DYNC1I1: variants seen among roughly 807,000 people sequenced by gnomAD.
The protein encoded by DYNC1I1 is dynein cytoplasmic 1 intermediate chain 1.
DYNC1I1 carries 43 observed loss-of-function variants against 86.6 expected under a neutral mutation model. The ratio of observed to expected loss-of-function variants is 0.50; its 90% CI spans 0.39 to 0.64. The LOEUF (loss-of-function observed/expected upper bound fraction) is 0.64, where lower values mean the gene tolerates loss of function less well. Among genes scored for constraint, DYNC1I1 ranks in the 30% least tolerant of loss-of-function variants. The probability of loss-of-function intolerance (pLI) is 0.00; values close to 1 mark genes in which losing one functional copy is unlikely to be tolerated. For synonymous variants in DYNC1I1, 262 were observed against 283.7 expected, an observed-to-expected ratio of 0.92 and a Z score of 0.77; for missense variants, 604 against 788.8, an observed-to-expected ratio of 0.77 and a Z score of 2.81.
At chr7:95,784,818 A>G (rs1298186440) in intron 1 of DYNC1I1, among the ~76,000 whole-genome samples, 3 of 152,192 alleles carry the variant, frequency 2.0e-5, no homozygotes, top group Admixed American at 6.5e-5. Context: ...GAGGTCAGAG[A>G]AGCTCTGGTA....
chr7:96,061,615 G>A (rs185802575), intron 14 of DYNC1I1, among the ~76,000 whole-genome samples: 2 of 151,566 alleles, frequency 1.3e-5, no homozygotes, highest in African/African-American at 2.4e-5. Context: ...ATAGTGAGCC[G>A]TTCACCCCCA....
intron 5 of DYNC1I1, among the ~76,000 whole-genome samples, chr7:95,867,325 T>G (rs1252333587): frequency 6.6e-6 from 1 of 152,236 alleles, no homozygotes; most frequent in African/African-American, 2.4e-5. Flanking sequence ...CTAAGTGCTA[T>G]GTAAGCATTA....
chr7:96,050,045 AAAAAC>A (rs1789355666), intron 14 of DYNC1I1, among the ~76,000 whole-genome samples: 1 of 151,962 alleles, frequency 6.6e-6, no homozygotes, highest in African/African-American at 2.4e-5. Flanking sequence ...AAACAAAAAA[AAAAAC>A]AGTATAGCTC....
At chr7:96,068,594 C>T (rs919609491) in intron 14 of DYNC1I1, among the ~76,000 whole-genome samples, 5 of 152,094 alleles carry the variant, frequency 3.3e-5, no homozygotes, top group African/African-American at 1.2e-4. Context: ...CTTGGGTATA[C>T]ATTTCTTGAA....
intron 5 of DYNC1I1, among the ~76,000 whole-genome samples, chr7:95,850,245 G>C (rs1366333229): frequency 4.6e-5 from 7 of 152,126 alleles, no homozygotes; most frequent in Admixed American, 4.6e-4. Flanking sequence ...GGACTATGCT[G>C]AATAGAAGTA....
chr7:95,915,917 C>T (rs1791456899), intron 6 of DYNC1I1, among the ~76,000 whole-genome samples: 1 of 152,148 alleles, frequency 6.6e-6, no homozygotes, highest in African/African-American at 2.4e-5. Flanking sequence ...GCTTGGTAGT[C>T]TTTTCATCCG....
chr7:95,911,322 G>A (rs554315806), intron 6 of DYNC1I1, among the ~76,000 whole-genome samples: 1 of 152,318 alleles, frequency 6.6e-6, no homozygotes, highest in South Asian at 2.1e-4. Flanking sequence ...CAGTCCAGAG[G>A]AGGAAGGCAT....
intron 12 of DYNC1I1, 60 bp from the exon 13 acceptor site, chr7:96,035,559 C>A: frequency 1.3e-6 from 2 of 1,505,028 alleles, no homozygotes; most frequent in Non-Finnish European, 8.8e-7. Flanking sequence ...TTTTTCCGTG[C>A]TATCTTTGGC....
At chr7:96,003,432 C>T (rs1450417883) in intron 10 of DYNC1I1, among the ~76,000 whole-genome samples, 4 of 152,210 alleles carry the variant, frequency 2.6e-5, no homozygotes, top group African/African-American at 9.6e-5. Context: ...ATGTTTTCTA[C>T]TTTCATTTAA....
At chr7:96,058,800 A>ATTTTTTT (rs35348142) in intron 14 of DYNC1I1, among the ~76,000 whole-genome samples, 1 of 98,746 alleles carries the variant, frequency 1.0e-5, no homozygotes, top group Admixed American at 1.2e-4. Context: ...TGCCTGGCTA[A>ATTTTTTT]TTTTTTTTTT....
Position 95,836,922 on chromosome 7 carries a change from C to T in DYNC1I1, c.374+8806C>T, listed in dbSNP as rs1009753952. Among the ~76,000 whole-genome samples the T allele has an allele frequency of 4.0e-5, 6 of 151,876 alleles. No individual in the cohort carries two copies. In the South Asian group the frequency reaches 1.0e-3, roughly 26 times the overall value. ...TTTGCCTTTGGTTTGAATGTCCTCC[C>T]GTAGCTCAGAGTAATTTGATCGTCT... On this transcript the variant is annotated intron_variant, in intron 5 of 16. Transcript: ENST00000447467.
chr7:95,880,287 G>T (rs1790417975), intron 6 of DYNC1I1, among the ~76,000 whole-genome samples: 1 of 152,020 alleles, frequency 6.6e-6, no homozygotes. Flanking sequence ...TTCTTCCAAT[G>T]TGAAGTCCGT....
At chr7:95,861,295 C>G (rs1789870471) in intron 5 of DYNC1I1, among the ~76,000 whole-genome samples, 1 of 152,188 alleles carries the variant, frequency 6.6e-6, no homozygotes, top group Non-Finnish European at 1.5e-5. Context: ...TATGGAATCT[C>G]AAGAATTTCT....
At chr7:95,937,474 T>A (rs1792078072) in intron 6 of DYNC1I1, among the ~76,000 whole-genome samples, 1 of 151,204 alleles carries the variant, frequency 6.6e-6, no homozygotes, top group Non-Finnish European at 1.5e-5. Flanking sequence ...TTTTCCAAAT[T>A]CGATGTATGG....
At chr7:96,038,927 A>G (rs1312918384) in intron 13 of DYNC1I1, among the ~76,000 whole-genome samples, 1 of 152,216 alleles carries the variant, frequency 6.6e-6, no homozygotes, top group Non-Finnish European at 1.5e-5. Flanking sequence ...TTATAAATAT[A>G]AAAGCTTCAG....
intron 16 of DYNC1I1, among the ~76,000 whole-genome samples, chr7:96,105,368 T>A (rs1584323736): frequency 6.6e-6 from 1 of 152,004 alleles, no homozygotes; most frequent in African/African-American, 2.4e-5. Flanking sequence ...GTCTTTATCA[T>A]GAGTAGATGC....
chr7:95,869,249 C>G (rs952623031), intron 5 of DYNC1I1, among the ~76,000 whole-genome samples: 2 of 152,144 alleles, frequency 1.3e-5, no homozygotes, highest in Non-Finnish European at 2.9e-5. Context: ...TGGTTTCTTA[C>G]ATGGTCATGG....
intron 1 of DYNC1I1, among the ~76,000 whole-genome samples, chr7:95,775,551 G>A (rs908118575): frequency 1.3e-5 from 2 of 152,316 alleles, no homozygotes; most frequent in East Asian, 1.9e-4. Context: ...TCCAATTTCA[G>A]TGTGATCCAT....
At chr7:95,993,869 G>C (rs1793792181) in intron 9 of DYNC1I1, among the ~76,000 whole-genome samples, 1 of 152,158 alleles carries the variant, frequency 6.6e-6, no homozygotes, top group African/African-American at 2.4e-5. Context: ...TAAATTATAA[G>C]AAGAGAGTGA....
Sources: gnomAD v4.1 joint callset for allele counts (sites outside exome capture counted in the v4.1 genomes callset) on GRCh38, gnomAD v4.1.1 for gene constraint, MANE v1.5 for transcripts, NCBI Gene and HGNC (gene_info 2026-07-23, HGNC 2026-07-21) for gene names.